Variants in CDC42 observed in about 807,000 individuals in gnomAD.
CDC42 encodes cell division control protein 42 homolog.
In CDC42, 1 loss-of-function variant was observed where a neutral mutation model predicts 20.8. The ratio of observed to expected loss-of-function variants is 0.05; its 90% CI spans 0.02 to 0.23. The LOEUF (loss-of-function observed/expected upper bound fraction) is 0.23. Ranked by LOEUF, CDC42 falls within the 10% of genes least tolerant of loss-of-function variation. The pLI, the probability that CDC42 is intolerant of heterozygous loss-of-function variation, is 1.00. For missense variants in CDC42, 49 were observed against 227.9 expected, an observed-to-expected ratio of 0.21 and a Z score of 5.05; for synonymous variants, 72 against 84.8, an observed-to-expected ratio of 0.85 and a Z score of 0.83.
chr1:22,059,970 CACCTGTGTTTATT>C (rs1174842181), intron 1 of CDC42, among the ~76,000 whole-genome samples: 1 of 152,184 alleles, frequency 6.6e-6, no homozygotes. Flanking sequence ...GTCTCAGGAA[CACCTGTGTTTATT>C]ACCTGTGTCC....
chr1:22,086,395 A>T, intron 3 of CDC42, 44 bp from the exon 4 acceptor site: 1 of 1,336,782 alleles, frequency 7.5e-7, no homozygotes, highest in Admixed American at 1.9e-5. Flanking sequence ...GAGGACACCA[A>T]GATTCAGTTG....
chr1:22,090,570 A>G, intron 5 of CDC42: 1 of 986,258 alleles, frequency 1.0e-6, no homozygotes, highest in Non-Finnish European at 1.2e-6. Context: ...GTAGTGGAGT[A>G]TTTGTCAGTC....
chr1:22,071,594 A>G (rs944399606), intron 1 of CDC42, among the ~76,000 whole-genome samples: 3 of 152,216 alleles, frequency 2.0e-5, no homozygotes, highest in African/African-American at 7.2e-5. Flanking sequence ...AGAAGGTTAT[A>G]TAAGCTGCAT....
intron 1 of CDC42, among the ~76,000 whole-genome samples, chr1:22,062,730 TAAAAAAAAAAAAAAAAAAAAAA>T (rs531472151): frequency 5.8e-5 from 4 of 69,424 alleles, no homozygotes; most frequent in South Asian, 6.8e-4. Flanking sequence ...TGGCTCTATT[TAAAAAAAAAAAAAAAAAAAAAA>T]AAAAAAAAAA....
chr1:22,074,278 G>A (rs10799732), intron 1 of CDC42: 7,337 of 152,320 alleles, frequency 0.048, 283 homozygotes, highest in East Asian at 0.18. Context: ...GGGTTTCACC[G>A]TGTTAGCCAG....
intron 5 of CDC42, chr1:22,089,859 T>A: frequency 7.4e-7 from 1 of 1,346,068 alleles, no homozygotes; most frequent in Admixed American, 2.1e-5. Context: ...TTCAGCTCAT[T>A]TAATCCGGAC....
intron 2 of CDC42, 108 bp from the exon 3 acceptor site, chr1:22,081,614 G>T: frequency 1.4e-6 from 1 of 694,386 alleles, no homozygotes; most frequent in East Asian, 2.5e-5. Flanking sequence ...GATGGACTAG[G>T]GGACGATTAA....
intron 1 of CDC42, 131 bp downstream of exon 1, chr1:22,052,873 T>TG (rs1645250835): frequency 6.6e-6 from 1 of 151,198 alleles, no homozygotes; most frequent in Non-Finnish European, 1.5e-5. Flanking sequence ...GCACGGGTTG[T>TG]GGGGGAGTGC....
chr1:22,060,169 C>T (rs192338940), intron 1 of CDC42, among the ~76,000 whole-genome samples: 4 of 151,972 alleles, frequency 2.6e-5, no homozygotes, highest in Middle Eastern at 3.4e-3. Flanking sequence ...TGGTGAAACC[C>T]CGTCTTTACT....
chr1:22,093,562 T>TTGG lies in CDC42; in HGVS notation c.*2047_*2049dup, dbSNP rs570816868. Among the ~76,000 whole-genome samples, 198 of 152,324 alleles carry TTGG rather than the reference T, an allele frequency of 1.3e-3. No individual in the cohort carries two copies. Among genetic ancestry groups the TTGG allele is most frequent in the African/African-American group, 4.5e-3 (185 of 41,562 alleles). ...TAAGAACCCTTAAAATCAGTTAAGG[T>TTGG]TGGTACACTGTGGCCTCATTTTGAT... On this transcript the variant is annotated 3_prime_UTR_variant, in exon 6 of 6. Coordinates refer to ENST00000656825, the MANE Select transcript of CDC42 (RefSeq NM_001791.4).
intron 2 of CDC42, among the ~76,000 whole-genome samples, chr1:22,079,370 C>G (rs942568652): frequency 3.3e-5 from 5 of 151,896 alleles, no homozygotes; most frequent in African/African-American, 1.2e-4. Context: ...AACTCCTGAC[C>G]TCAAATGATC....
rs16826379 is a variant in CDC42 at position 22,066,083 on chromosome 1, A to G, written c.-50-12346A>G. Reference sequence around the variant, plus strand: ...TTTTCATATTACTACTTTAGTCAACAAAGTTGTAAAAGACATTTAAGAATT... The same window carrying G: ...TTTTCATATTACTACTTTAGTCAACGAAGTTGTAAAAGACATTTAAGAATT... On this transcript the variant is annotated intron_variant, in intron 1 of 5. Transcript: ENST00000656825. 1.6e-3 allele frequency among the ~76,000 whole-genome samples: 250 copies of G among 152,302 alleles called. 2 individuals are homozygous for G. The highest frequency in any genetic ancestry group is 5.7e-3 in the African/African-American group (235 of 41,552).
chr1:22,057,730 T>TC, intron 1 of CDC42, among the ~76,000 whole-genome samples: 1 of 151,570 alleles, frequency 6.6e-6, no homozygotes, highest in African/African-American at 2.4e-5. Flanking sequence ...CTTTTTTTTT[T>TC]CTTTTTTTTT....
Position 22,092,475 on chromosome 1 carries a change from T to G in CDC42, c.*958T>G, listed in dbSNP as rs1645727951. The G allele has an allele frequency of 6.6e-6, 1 of 152,538 alleles. No homozygotes were observed. The highest frequency in any genetic ancestry group is 2.1e-4 in the South Asian group (1 of 4,826). 9.4% of individuals were successfully genotyped at this position (152,538 alleles called of 1,614,324 possible). On this transcript the variant is annotated 3_prime_UTR_variant, in exon 6 of 6. Transcript: ENST00000656825. ...TCAGTAGTATATGGTGTTCCTAGAA[T>G]GCAGCTGAAGACCTGTTATGTAGAG... is the stretch of plus-strand genomic sequence containing the variant.
chr1:22,094,589 G>A lies in CDC42; in HGVS notation c.*3072G>A, dbSNP rs556110164. ...TGGGATTACAGGCGTGAGCCACCGC[G>A]CCCGGCCAGAAATAGATTTTATAGT... On this transcript the variant is annotated 3_prime_UTR_variant, in exon 6 of 6. Transcript: ENST00000656825. 2.0e-5 allele frequency among the ~76,000 whole-genome samples: 3 copies of A among 148,796 alleles called. No homozygotes were observed. The highest frequency in any genetic ancestry group is 7.8e-5 in the African/African-American group (3 of 38,348).
chr1:22,081,828 C>A (rs372440772), intron 3 of CDC42, 34 bp downstream of exon 3: 65 of 1,315,204 alleles, frequency 4.9e-5, no homozygotes, highest in Middle Eastern at 4.9e-4. Flanking sequence ...CTGTTTTGAT[C>A]TTTAACAGTT....
chr1:22,065,888 A>G (rs1275971315), intron 1 of CDC42, among the ~76,000 whole-genome samples: 3 of 151,962 alleles, frequency 2.0e-5, no homozygotes, highest in Non-Finnish European at 4.4e-5. Context: ...CCTCCCGAGT[A>G]GCTGGGATTA....
At chr1:22,057,666 A>G (rs1645317592) in intron 1 of CDC42, among the ~76,000 whole-genome samples, 1 of 151,514 alleles carries the variant, frequency 6.6e-6, no homozygotes, top group Non-Finnish European at 1.5e-5. Flanking sequence ...TTACAGGCAT[A>G]AGCCACTATG....
intron 1 of CDC42, among the ~76,000 whole-genome samples, chr1:22,075,951 C>T (rs1368261674): frequency 1.3e-5 from 2 of 152,114 alleles, no homozygotes; most frequent in African/African-American, 2.4e-5. Context: ...TATCTTACTC[C>T]CTTCTCCCAA....
Sources: gnomAD v4.1 joint callset for allele counts (sites outside exome capture counted in the v4.1 genomes callset) on GRCh38, gnomAD v4.1.1 for gene constraint, MANE v1.5 for transcripts, NCBI Gene and HGNC (gene_info 2026-07-23, HGNC 2026-07-21) for gene names.